FGD4: variants seen among roughly 807,000 people sequenced by gnomAD.
The protein encoded by FGD4 is FYVE, RhoGEF and PH domain containing 4.
Under a neutral mutation model 102.0 loss-of-function variants are expected in FGD4, and 42 were observed. That is an observed-to-expected ratio of 0.41 (90% CI 0.32 to 0.53). FGD4 has a LOEUF of 0.53. Ranked by LOEUF, FGD4 falls within the 20% of genes least tolerant of loss-of-function variation. The pLI, the probability that FGD4 is intolerant of heterozygous loss-of-function variation, is 0.21. For synonymous variants in FGD4, 380 were observed against 375.7 expected (o/e 1.01, Z -0.13); for missense variants, 902 against 1,078.2 (o/e 0.84, Z 2.29).
At chr12:32,496,974 A>G (rs1302870811) in intron 1 of FGD4, among the ~76,000 whole-genome samples, 1 of 152,236 alleles carries the variant, frequency 6.6e-6, no homozygotes, top group Non-Finnish European at 1.5e-5. Flanking sequence ...CTAAGACACA[A>G]TTATCTTTCA....
intron 1 of FGD4, among the ~76,000 whole-genome samples, chr12:32,439,705 T>C (rs962855748): frequency 2.6e-5 from 4 of 152,212 alleles, no homozygotes; most frequent in Non-Finnish European, 5.9e-5. Flanking sequence ...TGGATATTGA[T>C]ATCTTTCTCC....
At chr12:32,565,233 A>G (rs1796649856) in intron 2 of FGD4, among the ~76,000 whole-genome samples, 1 of 152,210 alleles carries the variant, frequency 6.6e-6, no homozygotes, top group African/African-American at 2.4e-5. Context: ...AAAATTTTAG[A>G]ACGAGTTTAA....
At chr12:32,624,523 G>A in intron 12 of FGD4, 71 bp downstream of exon 12, 1 of 1,281,080 alleles carries the variant, frequency 7.8e-7, no homozygotes, top group Non-Finnish European at 1.1e-6. Context: ...ACCCAGTCTG[G>A]AGTGCAGTGG....
intron 4 of FGD4, among the ~76,000 whole-genome samples, chr12:32,591,964 C>T (rs1489925314): frequency 6.6e-6 from 1 of 152,172 alleles, no homozygotes; most frequent in African/African-American, 2.4e-5. Context: ...ACTTTTGGTG[C>T]TGATAGCTTA....
intron 14 of FGD4, among the ~76,000 whole-genome samples, 157 bp from the exon 15 acceptor site, chr12:32,633,392 T>C (rs1170795883): frequency 6.6e-6 from 1 of 152,186 alleles, no homozygotes; most frequent in Admixed American, 6.5e-5. Context: ...TGAAACACCT[T>C]GATATGTACT....
intron 1 of FGD4, among the ~76,000 whole-genome samples, chr12:32,558,690 C>A (rs753382973): frequency 8.5e-5 from 13 of 152,214 alleles, no homozygotes; most frequent in African/African-American, 1.2e-4. Context: ...TGTGACTTAG[C>A]GCATGACTGT....
At chr12:32,568,667 CATAA>C (rs1454103882) in intron 2 of FGD4, among the ~76,000 whole-genome samples, 1 of 152,172 alleles carries the variant, frequency 6.6e-6, no homozygotes, top group Non-Finnish European at 1.5e-5. Context: ...GAGTAACTTA[CATAA>C]ATATAGAGTA....
At chr12:32,507,632 A>G (rs1938915344) in intron 1 of FGD4, among the ~76,000 whole-genome samples, 1 of 152,140 alleles carries the variant, frequency 6.6e-6, no homozygotes, top group South Asian at 2.1e-4. Context: ...TTATTGGGAG[A>G]GCATGGGAAC....
At chr12:32,413,752 T>C (rs1336997021) in intron 1 of FGD4, among the ~76,000 whole-genome samples, 1 of 152,182 alleles carries the variant, frequency 6.6e-6, no homozygotes, top group East Asian at 1.9e-4. Flanking sequence ...CTCTGGAGAC[T>C]GTACTTCGGA....
At chr12:32,608,267 G>A (rs1325965561) in intron 8 of FGD4, among the ~76,000 whole-genome samples, 172 bp downstream of exon 8, 1 of 152,220 alleles carries the variant, frequency 6.6e-6, no homozygotes, top group Non-Finnish European at 1.5e-5. Context: ...TCACTTTTGA[G>A]CCAAAATGAC....
At chr12:32,415,041 C>T (rs1348422120) in intron 1 of FGD4, among the ~76,000 whole-genome samples, 1 of 152,202 alleles carries the variant, frequency 6.6e-6, no homozygotes, top group African/African-American at 2.4e-5. Context: ...CATTGACCCA[C>T]TGTTCATTCA....
At chr12:32,565,926 C>G (rs1357615778) in intron 2 of FGD4, among the ~76,000 whole-genome samples, 2 of 152,208 alleles carry the variant, frequency 1.3e-5, no homozygotes, top group Non-Finnish European at 2.9e-5. Context: ...TTTGGCCTTT[C>G]CCTGATACCC....
chr12:32,497,331 A>G lies in FGD4; in HGVS notation c.167-66806A>G, dbSNP rs1042586257. ...ATAAAGTACTCTGTACCCTGCAAAT[A>G]CATTTTTGCTCTAAATCACTTTCAT... On this transcript the variant is annotated intron_variant, in intron 1 of 16. Transcript: ENST00000534526. 3.3e-5 allele frequency among the ~76,000 whole-genome samples: 5 copies of G among 152,320 alleles called. No homozygotes were observed. In the South Asian group the frequency reaches 1.0e-3, roughly 32 times the overall value.
intron 3 of FGD4, among the ~76,000 whole-genome samples, chr12:32,578,002 G>C (rs1451934709): frequency 6.6e-6 from 1 of 152,200 alleles, no homozygotes; most frequent in Non-Finnish European, 1.5e-5. Flanking sequence ...CATTGTTTTA[G>C]ATTCCTCTAC....
Position 32,644,044 on chromosome 12 carries a change from A to G in FGD4, c.*3511A>G, listed in dbSNP as rs921134191. On this transcript the variant is annotated 3_prime_UTR_variant, in exon 17 of 17. Transcript: ENST00000534526. ...TCTTTGCTATAATGCAGAATAGATT[A>G]ATGAAGATTTCCTATATCATATGAT... is the stretch of plus-strand genomic sequence containing the variant. 1 of 152,164 alleles carries G rather than the reference A, an allele frequency of 6.6e-6. No homozygotes were observed. Among genetic ancestry groups the G allele is most frequent in the Non-Finnish European group, 1.5e-5 (1 of 67,990 alleles). 9.4% of individuals were successfully genotyped at this position (152,164 alleles called of 1,614,324 possible). A position where few individuals can be genotyped will look rare whatever the true frequency, so the allele number is the denominator to read the frequency against.
In FGD4 at chr12:32,643,794, T is replaced by C. The variant is rs1459831543; in HGVS notation, c.*3261T>C. 2 of 152,084 alleles carry C rather than the reference T, an allele frequency of 1.3e-5. No homozygotes were observed. The highest frequency in any genetic ancestry group is 2.9e-5 in the Non-Finnish European group (2 of 67,934). The allele number at this position is 152,084 out of a possible 1,614,324, so 9.4% of individuals were successfully genotyped here. ...TAAAAACTTTTGTCAAAAATACTTT[T>C]GAGTTCACAATTCTGTTTTACTTTT... On this transcript the variant is annotated 3_prime_UTR_variant, in exon 17 of 17. Transcript: ENST00000534526.
chr12:32,478,589 T>C (rs1182973018), intron 1 of FGD4, among the ~76,000 whole-genome samples: 1 of 152,184 alleles, frequency 6.6e-6, no homozygotes, highest in Non-Finnish European at 1.5e-5. Context: ...TGAAATAACT[T>C]GAATATTTTT....
intron 7 of FGD4, 34 bp downstream of exon 7, chr12:32,602,351 AC>A: frequency 6.2e-7 from 1 of 1,612,002 alleles, no homozygotes; most frequent in Non-Finnish European, 8.5e-7. Flanking sequence ...GCTATGAATT[AC>A]TATTTCCATA....
intron 1 of FGD4, among the ~76,000 whole-genome samples, chr12:32,468,264 ATT>A (rs57001434): frequency 0.38 from 55,472 of 147,800 alleles, 11,089 homozygotes; most frequent in South Asian, 0.52. Context: ...TGAATGCTGT[ATT>A]TTTTTTTTTT....
Sources: allele counts gnomAD v4.1 joint callset (sites outside exome capture counted in the v4.1 genomes callset), GRCh38; gene constraint gnomAD v4.1.1; transcripts MANE v1.5; gene names NCBI Gene and HGNC (gene_info 2026-07-23, HGNC 2026-07-21).